The following ACTN1 variants were observed in gnomAD, a reference collection of about 807,000 sequenced individuals.
ACTN1 encodes the protein alpha-actinin-1.
ACTN1 carries 30 observed loss-of-function variants against 119.6 expected under a neutral mutation model. The observed-to-expected ratio is 0.25, with a 90% CI of 0.19 to 0.34. The LOEUF (loss-of-function observed/expected upper bound fraction) is 0.34. Among genes scored for constraint, ACTN1 ranks in the 10% least tolerant of loss-of-function variants. The pLI is 1.00. For missense variants in ACTN1, 764 were observed against 1,223.4 expected (o/e 0.62, Z 5.60); for synonymous variants, 429 against 472.6 (o/e 0.91, Z 1.20).
In ACTN1 at chr14:68,978,541, G is replaced by C. The variant is rs1030688113; in HGVS notation, c.105+411C>G. The C allele has an allele frequency of 2.0e-5, 6 of 298,780 alleles. No homozygotes were observed. In the East Asian group the frequency reaches 3.7e-4, roughly 19 times the overall value. 18.5% of individuals were successfully genotyped at this position (298,780 alleles called of 1,614,324 possible). On this transcript the variant is annotated intron_variant, in intron 1 of 21. Transcript: ENST00000394419. ...GCGCTGCCACCGCACGCCATATGGAGAGGTGGCCAGGGGCGGAAGAAAAGG... is the reference window on the plus strand; with the variant it reads ...GCGCTGCCACCGCACGCCATATGGACAGGTGGCCAGGGGCGGAAGAAAAGG...
Position 68,885,633 on chromosome 14 carries a change from A to C in ACTN1, c.1235-58T>G. 1 of 1,578,740 alleles carries C rather than the reference A, an allele frequency of 6.3e-7. No individual in the cohort carries two copies. Among genetic ancestry groups the C allele is most frequent in the South Asian group, 1.1e-5 (1 of 88,350 alleles). On this transcript the variant is annotated intron_variant, in intron 11 of 21. Coordinates refer to ENST00000394419, the MANE Select transcript of ACTN1 (RefSeq NM_001130004.2). This position sits in a 1 kb window ranked among gnomAD's most constrained non-coding sequence, Gnocchi z 5.6. The stretch of plus-strand genomic sequence containing the variant: ...GAGTGAGAAGCATCTCCTTGGTCCC[A>C]ACCGCCCACCCCTCAGGGCCCCAGG...
At chr14:68,927,188 T>C (rs1036988531) in intron 1 of ACTN1, among the ~76,000 whole-genome samples, 1 of 152,156 alleles carries the variant, frequency 6.6e-6, no homozygotes, top group Non-Finnish European at 1.5e-5. Flanking sequence ...CAATGTCCTC[T>C]CTATCTTGCT....
In ACTN1 at chr14:68,879,849, CCT is replaced by C; in HGVS notation, c.2280+111_2280+112del. Reference sequence around the variant, plus strand: ...TCAGGGCAGGCTGACGGCAGTTTCCCCTTTCTCTCCCTCCTCACTTGCATGGC... The same window carrying C: ...TCAGGGCAGGCTGACGGCAGTTTCCCTTCTCTCCCTCCTCACTTGCATGGC... On this transcript the variant is annotated intron_variant, in intron 18 of 21. Coordinates refer to ENST00000394419, the MANE Select transcript of ACTN1 (RefSeq NM_001130004.2). The surrounding 1 kb of genome is among the most constrained non-coding windows in gnomAD (Gnocchi z 4.9). The C allele has an allele frequency of 6.9e-7, 1 of 1,457,340 alleles. No homozygotes were observed. The highest frequency in any genetic ancestry group is 2.3e-5 in the Admixed American group (1 of 43,564). The allele number at this position is 1,457,340 out of a possible 1,614,324, so 90.3% of individuals were successfully genotyped here. A position where few individuals can be genotyped will look rare whatever the true frequency, so the allele number is the denominator to read the frequency against.
At chr14:68,888,400 G>GA (rs1242012673) in intron 11 of ACTN1, 1 of 250,958 alleles carries the variant, frequency 4.0e-6, no homozygotes, top group African/African-American at 2.3e-5. Context: ...AGCATGTGAT[G>GA]AATCAGTGCA....
chr14:68,942,378 CAA>C (rs35794383), intron 1 of ACTN1, among the ~76,000 whole-genome samples: 2 of 150,126 alleles, frequency 1.3e-5, no homozygotes, highest in East Asian at 2.0e-4. Context: ...GACCCCAGCT[CAA>C]AAAAAAAAGA....
intron 1 of ACTN1, among the ~76,000 whole-genome samples, chr14:68,961,243 G>C (rs1192450500): frequency 6.6e-6 from 1 of 152,116 alleles, no homozygotes; most frequent in Non-Finnish European, 1.5e-5. Context: ...AACTATATAA[G>C]AAAAAGTGTT....
intron 9 of ACTN1, among the ~76,000 whole-genome samples, 196 bp from the exon 10 acceptor site, chr14:68,892,479 C>T (rs547354720): frequency 3.0e-4 from 46 of 152,174 alleles, no homozygotes; most frequent in Non-Finnish European, 5.1e-4. Context: ...CCACAGGCTT[C>T]GTGAAGCCTG....
At chr14:68,875,102 C>T (rs772838152) in intron 21 of ACTN1, 85 bp from the exon 22 acceptor site, 42 of 1,579,272 alleles carry the variant, frequency 2.7e-5, no homozygotes, top group Non-Finnish European at 3.4e-5. Context: ...AGCCTGGCGG[C>T]GTGAAGGCAG....
intron 1 of ACTN1, among the ~76,000 whole-genome samples, chr14:68,938,894 AGAG>A (rs1421266313): frequency 3.3e-5 from 5 of 150,476 alleles, no homozygotes; most frequent in African/African-American, 7.5e-5. Context: ...CCTCTGGCCA[AGAG>A]GAGGAGATGG....
chr14:68,957,643 G>A (rs915032124), intron 1 of ACTN1, among the ~76,000 whole-genome samples: 1 of 152,194 alleles, frequency 6.6e-6, no homozygotes, highest in Admixed American at 6.5e-5. Flanking sequence ...TAACTGCTTA[G>A]GTGATGGTGG....
chr14:68,938,756 T>G (rs1404471916), intron 1 of ACTN1, among the ~76,000 whole-genome samples: 1 of 152,170 alleles, frequency 6.6e-6, no homozygotes, highest in East Asian at 1.9e-4. Flanking sequence ...AGGAGCCCAG[T>G]CAATGTCAGC....
At chr14:68,945,879 G>C (rs151136761) in intron 1 of ACTN1, among the ~76,000 whole-genome samples, 2 of 152,306 alleles carry the variant, frequency 1.3e-5, no homozygotes, top group Admixed American at 6.5e-5. Flanking sequence ...TCAGAGATCA[G>C]GATGTCACTC....
chr14:68,881,954 T>G (rs200236540), intron 16 of ACTN1, among the ~76,000 whole-genome samples: 2,532 of 63,918 alleles, frequency 0.04, 167 homozygotes, highest in Non-Finnish European at 0.044. Flanking sequence ...TTTTTTTTTT[T>G]TGACAGAGTC....
At chr14:68,935,533 G>A (rs575099005) in intron 1 of ACTN1, among the ~76,000 whole-genome samples, 5 of 151,620 alleles carry the variant, frequency 3.3e-5, no homozygotes, top group Non-Finnish European at 5.9e-5. Context: ...CTACAGGCGC[G>A]TGCCACCACG....
At chr14:68,940,368 G>A (rs1375187905) in intron 1 of ACTN1, among the ~76,000 whole-genome samples, 3 of 152,136 alleles carry the variant, frequency 2.0e-5, no homozygotes, top group African/African-American at 4.8e-5. Context: ...TGGGAACCCG[G>A]GGTCTGGCAG....
rs61987512 is a variant in ACTN1 at position 68,882,134 on chromosome 14, C to T, written c.1953+324G>A. Reference sequence around the variant, plus strand: ...TATTTTTAGTAGAGACGGGGTTTCACCATGTTGGCCAGGCTGGTCTCGAAC... The same window carrying T: ...TATTTTTAGTAGAGACGGGGTTTCATCATGTTGGCCAGGCTGGTCTCGAAC... On this transcript the variant is annotated intron_variant, in intron 16 of 21. Transcript: ENST00000394419. The surrounding 1 kb of genome is among the most constrained non-coding windows in gnomAD (Gnocchi z 4.5). Among the ~76,000 whole-genome samples the T allele has an allele frequency of 0.1, 15,787 of 151,692 alleles. 967 individuals are homozygous for T. The highest frequency in any genetic ancestry group is 0.14 in the Non-Finnish European group (9,721 of 67,834).
chr14:68,902,990 G>C (rs1038907195), intron 7 of ACTN1, among the ~76,000 whole-genome samples: 2 of 152,146 alleles, frequency 1.3e-5, no homozygotes, highest in African/African-American at 4.8e-5. Flanking sequence ...TATGAACTGG[G>C]TATCACATGG....
chr14:68,943,478 A>G (rs1337563636), intron 1 of ACTN1, among the ~76,000 whole-genome samples: 1 of 152,070 alleles, frequency 6.6e-6, no homozygotes, highest in Non-Finnish European at 1.5e-5. Flanking sequence ...CCTAGGCTTC[A>G]CTTCAGACAC....
chr14:68,921,233 A>T (rs932891080), intron 2 of ACTN1, 108 bp from the exon 3 acceptor site: 4 of 1,415,272 alleles, frequency 2.8e-6, no homozygotes, highest in Non-Finnish European at 2.9e-6. Context: ...AGGCAGAAGC[A>T]TGTGCATGTG....
Sources: allele counts gnomAD v4.1 joint callset (sites outside exome capture counted in the v4.1 genomes callset), GRCh38; gene constraint gnomAD v4.1.1; non-coding constraint Gnocchi (gnomAD v3.1); transcripts MANE v1.5; gene names NCBI Gene and HGNC (gene_info 2026-07-23, HGNC 2026-07-21).